RPS6KC1: variants seen among roughly 807,000 people sequenced by gnomAD.
RPS6KC1 encodes ribosomal protein S6 kinase C1.
In RPS6KC1, 54 loss-of-function variants were observed where a neutral mutation model predicts 103.8. The ratio of observed to expected loss-of-function variants is 0.52; its 90% CI spans 0.42 to 0.65. The LOEUF (loss-of-function observed/expected upper bound fraction) is 0.65, where lower values mean the gene tolerates loss of function less well. Among genes scored for constraint, RPS6KC1 ranks in the 30% least tolerant of loss-of-function variants. RPS6KC1 has a pLI of 0.00. For synonymous variants in RPS6KC1, 439 were observed against 438.7 expected, an observed-to-expected ratio of 1.00 and a Z score of -0.01; for missense variants, 1,151 against 1,253.8, an observed-to-expected ratio of 0.92 and a Z score of 1.24.
rs907367395 is a variant in RPS6KC1, at chr1:213,240,790, T to G, written c.1314T>G (p.Leu438=). 6.2e-7 allele frequency: 1 copy of G among 1,613,762 alleles called. No homozygotes were observed. Among genetic ancestry groups the G allele is most frequent in the African/African-American group, 1.3e-5 (1 of 74,898 alleles). The part of the protein sequence containing the change: ...FDIKEVKKPT[L]AKVHLQQPTS... ...TCAAGGAAGTGAAAAAACCTACACT[T>G]GCAAAAGTTCACCTGCAGCAGCCAA... The change falls in exon 11 of 15, where the codon CTT becomes CTG. Residue 438 remains leucine (L), a synonymous_variant. Coordinates refer to ENST00000366960, the MANE Select transcript of RPS6KC1 (RefSeq NM_012424.6).
chr1:213,173,008 A>C (rs912068067), intron 7 of RPS6KC1, among the ~76,000 whole-genome samples: 3 of 152,202 alleles, frequency 2.0e-5, no homozygotes, highest in Admixed American at 1.3e-4. Context: ...CTATTATTTC[A>C]TAAGTAAGAT....
At chr1:213,766,449 C>T in the RPS6KC1 span, among the ~76,000 whole-genome samples, 836 of 152,264 alleles carry the variant, frequency 5.5e-3, 16 homozygotes, top group African/African-American at 0.018. Context: ...TCCTTGAGGA[C>T]TGGAGATGAT....
the RPS6KC1 span, among the ~76,000 whole-genome samples, chr1:213,307,141 C>G: frequency 8.4e-4 from 125 of 148,484 alleles, no homozygotes; most frequent in African/African-American, 2.8e-3. Context: ...TGGCTCACTG[C>G]AAGCTCTGCC....
chr1:213,564,529 T>A, the RPS6KC1 span, among the ~76,000 whole-genome samples: 1 of 152,180 alleles, frequency 6.6e-6, no homozygotes, highest in East Asian at 1.9e-4. Flanking sequence ...TCATTTGTGG[T>A]GTCCTTCAGT....
At chr1:213,715,452 T>A in the RPS6KC1 span, among the ~76,000 whole-genome samples, 2 of 152,208 alleles carry the variant, frequency 1.3e-5, no homozygotes, top group Non-Finnish European at 1.5e-5. Flanking sequence ...TTCTAAGATA[T>A]CCTTGACTGA....
chr1:213,232,084 GCAACTGAGGATA>G (rs767862060), intron 9 of RPS6KC1, 27 bp from the exon 10 acceptor site: 13 of 782,764 alleles, frequency 1.7e-5, no homozygotes, highest in South Asian at 9.6e-5. Flanking sequence ...AACTGAGGAT[GCAACTGAGGATA>G]CAACTGACCT....
chr1:213,367,798 TG>T, the RPS6KC1 span, among the ~76,000 whole-genome samples: 14,112 of 152,224 alleles, frequency 0.093, 900 homozygotes, highest in Non-Finnish European at 0.14. Flanking sequence ...AAACTCTAAC[TG>T]GCTTAAGGAG....
chr1:213,250,354 T>G (rs137953840), intron 12 of RPS6KC1, among the ~76,000 whole-genome samples: 120 of 152,278 alleles, frequency 7.9e-4, no homozygotes, highest in Non-Finnish European at 1.5e-3. Context: ...CCAGGAACTT[T>G]CAAACAGTTC....
At chr1:213,290,180 T>TCATGCCTCAA in the RPS6KC1 span, among the ~76,000 whole-genome samples, 1 of 140,048 alleles carries the variant, frequency 7.1e-6, no homozygotes, top group African/African-American at 2.7e-5. Flanking sequence ...AATCAATCGG[T>TCATGCCTCAA]CATGCCTCAA....
the RPS6KC1 span, among the ~76,000 whole-genome samples, chr1:213,854,578 CTTTCTT>C: frequency 2.1e-5 from 3 of 139,914 alleles, no homozygotes; most frequent in African/African-American, 8.6e-5. Context: ...CTCTCTCTCT[CTTTCTT>C]TCTTTCTTTC....
At chr1:213,583,005 T>G in the RPS6KC1 span, among the ~76,000 whole-genome samples, 1 of 152,220 alleles carries the variant, frequency 6.6e-6, no homozygotes, top group Non-Finnish European at 1.5e-5. Flanking sequence ...TTAAAAGGAA[T>G]TACACAGTAT....
intron 1 of RPS6KC1, among the ~76,000 whole-genome samples, chr1:213,064,368 CTTT>C (rs558717936): frequency 1.7e-5 from 2 of 120,686 alleles, no homozygotes; most frequent in Admixed American, 8.4e-5. Context: ...AATTTGTGAA[CTTT>C]TTTTTTTTTT....
chr1:213,306,945 A>G, the RPS6KC1 span, among the ~76,000 whole-genome samples: 1 of 151,706 alleles, frequency 6.6e-6, no homozygotes, highest in Non-Finnish European at 1.5e-5. Context: ...TTTACATCAT[A>G]TTTCCACCTC....
At chr1:213,701,246 GTT>G in the RPS6KC1 span, among the ~76,000 whole-genome samples, 95,457 of 151,448 alleles carry the variant, frequency 0.63, 30,540 homozygotes, top group East Asian at 0.77. Context: ...TTTTTTGAGG[GTT>G]TTTTTTATCA....
the RPS6KC1 span, among the ~76,000 whole-genome samples, chr1:213,279,822 C>T: frequency 6.6e-6 from 1 of 152,194 alleles, no homozygotes; most frequent in Non-Finnish European, 1.5e-5. Context: ...TAAGTGATCC[C>T]CAGGTCATCA....
At chr1:213,120,463 A>G (rs2084254440) in intron 5 of RPS6KC1, among the ~76,000 whole-genome samples, 1 of 152,162 alleles carries the variant, frequency 6.6e-6, no homozygotes, top group Non-Finnish European at 1.5e-5. Flanking sequence ...TGGAAGATTT[A>G]CTTCATACCA....
chr1:213,273,870 A>G lies in RPS6KC1; in HGVS notation c.*1236A>G, dbSNP rs757276086. 1 of 152,154 alleles carries G rather than the reference A, an allele frequency of 6.6e-6. No homozygotes were observed. The highest frequency in any genetic ancestry group is 1.9e-4 in the East Asian group (1 of 5,198). The allele number at this position is 152,154 out of a possible 1,614,324, so 9.4% of individuals were successfully genotyped here. ...AACGTTAGCCAAAGAAGAAGTCACTATTTCCAAGTTAGAAACCACCAGAAA... is the reference window on the plus strand; with the variant it reads ...AACGTTAGCCAAAGAAGAAGTCACTGTTTCCAAGTTAGAAACCACCAGAAA... On this transcript the variant is annotated 3_prime_UTR_variant, in exon 15 of 15. Transcript: ENST00000366960.
the RPS6KC1 span, among the ~76,000 whole-genome samples, chr1:213,646,899 T>A: frequency 9.4e-4 from 95 of 100,632 alleles, no homozygotes; most frequent in Middle Eastern, 9.9e-3. Flanking sequence ...ATATATATAT[T>A]TTTGTTTGTT....
Position 213,226,763 on chromosome 1 carries a change from G to A in RPS6KC1, c.1045-3734G>A, listed in dbSNP as rs114705601. Among the ~76,000 whole-genome samples, 1,126 of 152,232 alleles carry A rather than the reference G, an allele frequency of 7.4e-3. 12 individuals carry two copies. The highest frequency in any genetic ancestry group is 0.025 in the African/African-American group (1,048 of 41,540). On this transcript the variant is annotated intron_variant, in intron 8 of 14. Coordinates refer to ENST00000366960, the MANE Select transcript of RPS6KC1 (RefSeq NM_012424.6). The stretch of plus-strand genomic sequence containing the variant: ...TTATTCTTCATGGCTTCTCTCTGTT[G>A]TTTAGCATAGATTACACTCATCTTA...
Sources: allele counts gnomAD v4.1 joint callset (sites outside exome capture counted in the v4.1 genomes callset), GRCh38; gene constraint gnomAD v4.1.1; transcripts MANE v1.5; gene names NCBI Gene and HGNC (gene_info 2026-07-23, HGNC 2026-07-21).